Variants in CDC42BPA observed in about 807,000 individuals in gnomAD.
CDC42BPA encodes serine/threonine-protein kinase MRCK alpha.
A neutral mutation model predicts 223.5 loss-of-function variants in CDC42BPA; 80 were observed. The observed-to-expected ratio is 0.36, with a 90% CI of 0.30 to 0.43. The LOEUF is 0.43. Ranked by LOEUF, CDC42BPA falls within the 20% of genes least tolerant of loss-of-function variation. CDC42BPA has a pLI of 1.00. For synonymous variants in CDC42BPA, 694 were observed against 718.6 expected, an observed-to-expected ratio of 0.97 and a Z score of 0.55; for missense variants, 1,743 against 2,099.9, an observed-to-expected ratio of 0.83 and a Z score of 3.32.
At chr1:227,078,075 A>G (rs1450525731) in intron 17 of CDC42BPA, among the ~76,000 whole-genome samples, 1 of 152,174 alleles carries the variant, frequency 6.6e-6, no homozygotes, top group Non-Finnish European at 1.5e-5. Flanking sequence ...CCTAGTATTC[A>G]TGACAACTGT....
At chr1:227,238,697 T>C (rs1236432051) in intron 2 of CDC42BPA, among the ~76,000 whole-genome samples, 5 of 152,182 alleles carry the variant, frequency 3.3e-5, no homozygotes. Context: ...ATAAGAAAGC[T>C]GGCTATACTG....
chr1:227,036,492 A>G (rs1044305483), intron 24 of CDC42BPA, among the ~76,000 whole-genome samples: 4 of 145,336 alleles, frequency 2.8e-5, no homozygotes, highest in African/African-American at 1.0e-4. Context: ...GCGGTGGTGC[A>G]ATCTCGGCTC....
intron 10 of CDC42BPA, among the ~76,000 whole-genome samples, chr1:227,139,179 A>T (rs1659210205): frequency 6.6e-6 from 1 of 152,200 alleles, no homozygotes; most frequent in Non-Finnish European, 1.5e-5. Flanking sequence ...TGTGCATTTT[A>T]AAATCACCAA....
intron 4 of CDC42BPA, among the ~76,000 whole-genome samples, chr1:227,196,842 CAATT>C (rs1055534882): frequency 1.3e-5 from 2 of 151,816 alleles, no homozygotes; most frequent in African/African-American, 4.8e-5. Flanking sequence ...AATCAGGAAA[CAATT>C]AATAAGAAAG....
intron 21 of CDC42BPA, among the ~76,000 whole-genome samples, chr1:227,063,721 G>A (rs539371673): frequency 1.2e-4 from 19 of 152,162 alleles, no homozygotes; most frequent in African/African-American, 4.3e-4. Flanking sequence ...TCTGATTTTG[G>A]TCATAGGACT....
At chr1:227,115,049 G>C (rs976177539) in intron 12 of CDC42BPA, among the ~76,000 whole-genome samples, 1 of 152,054 alleles carries the variant, frequency 6.6e-6, no homozygotes, top group Non-Finnish European at 1.5e-5. Context: ...GAGTTCTGGA[G>C]ACTGCTGCAC....
At chr1:227,092,935 ACT>A (rs1204485680) in intron 15 of CDC42BPA, among the ~76,000 whole-genome samples, 1 of 152,138 alleles carries the variant, frequency 6.6e-6, no homozygotes, top group Admixed American at 6.6e-5. Flanking sequence ...AGTCAAGGAC[ACT>A]CTACCATAAT....
chr1:227,155,956 C>G (rs1452383363), intron 6 of CDC42BPA, among the ~76,000 whole-genome samples: 2 of 152,116 alleles, frequency 1.3e-5, no homozygotes, highest in East Asian at 3.9e-4. Flanking sequence ...AATCAAGAGA[C>G]AGCAGCACAA....
At chr1:227,208,326 G>A in intron 3 of CDC42BPA, among the ~76,000 whole-genome samples, 1 of 144,648 alleles carries the variant, frequency 6.9e-6, no homozygotes, top group Non-Finnish European at 1.5e-5. Context: ...TCTGATGGTA[G>A]TTTCTTTTGC....
At chr1:227,158,814 A>G (rs1257696242) in intron 6 of CDC42BPA, among the ~76,000 whole-genome samples, 1 of 152,108 alleles carries the variant, frequency 6.6e-6, no homozygotes, top group African/African-American at 2.4e-5. Flanking sequence ...CTTGTGGTAC[A>G]ATGCACAGCC....
chr1:227,217,420 C>T (rs185629160), intron 2 of CDC42BPA, among the ~76,000 whole-genome samples: 163 of 149,952 alleles, frequency 1.1e-3, no homozygotes, highest in African/African-American at 3.8e-3. Context: ...CACTTCAGCC[C>T]GGGCTGAAGT....
In CDC42BPA at chr1:226,993,371, G is replaced by A. The variant is rs1299421035; in HGVS notation, c.*897C>T. On this transcript the variant is annotated 3_prime_UTR_variant, in exon 37 of 37. Coordinates refer to ENST00000366766, the MANE Select transcript of CDC42BPA (RefSeq NM_001394014.1). ...ACCACTAGGAAAAGAAACATCTTGGGTAGAGATGAGTTCGCCTTTTGCTGC... is the reference window on the plus strand; with the variant it reads ...ACCACTAGGAAAAGAAACATCTTGGATAGAGATGAGTTCGCCTTTTGCTGC... 6.6e-6 allele frequency: 1 copy of A among 152,206 alleles called. No homozygotes were observed. The highest frequency in any genetic ancestry group is 1.5e-5 in the Non-Finnish European group (1 of 68,050). 9.4% of individuals were successfully genotyped at this position (152,206 alleles called of 1,614,324 possible).
intron 12 of CDC42BPA, among the ~76,000 whole-genome samples, chr1:227,118,646 C>G (rs1477083212): frequency 6.6e-6 from 1 of 152,052 alleles, no homozygotes; most frequent in Non-Finnish European, 1.5e-5. Flanking sequence ...ATCCAAGATC[C>G]TTCTCTTTAG....
At chr1:227,316,719 C>A (rs897559040) in intron 1 of CDC42BPA, among the ~76,000 whole-genome samples, 2 of 152,180 alleles carry the variant, frequency 1.3e-5, no homozygotes, top group African/African-American at 4.8e-5. Context: ...TTTTGCCCAT[C>A]ACAGAATTGA....
In CDC42BPA at chr1:227,176,860, C is replaced by T. The variant is rs6674640; in HGVS notation, c.600-16224G>A. Reference sequence around the variant, plus strand: ...TATACCTGAAAGTCTGTTTTGTTCACATTTTCTTTTCTAGGGTATTATAAA... The same window carrying T: ...TATACCTGAAAGTCTGTTTTGTTCATATTTTCTTTTCTAGGGTATTATAAA... On this transcript the variant is annotated intron_variant, in intron 5 of 36. Transcript: ENST00000366766. Among the ~76,000 whole-genome samples the T allele has an allele frequency of 3.6e-3, 555 of 152,170 alleles. 3 individuals are homozygous for T. Among genetic ancestry groups the T allele is most frequent in the African/African-American group, 0.012 (504 of 41,544 alleles).
intron 5 of CDC42BPA, among the ~76,000 whole-genome samples, chr1:227,184,606 C>T (rs181876683): frequency 5.3e-5 from 8 of 152,134 alleles, no homozygotes; most frequent in Admixed American, 3.3e-4. Flanking sequence ...GTGATTCTTT[C>T]CACTTTATTC....
intron 1 of CDC42BPA, among the ~76,000 whole-genome samples, chr1:227,289,864 C>T (rs573665395): frequency 4.8e-4 from 57 of 118,358 alleles, no homozygotes; most frequent in African/African-American, 1.8e-3. Context: ...CCAGCCTGGG[C>T]AACATGGTGA....
intron 12 of CDC42BPA, 112 bp from the exon 13 acceptor site, chr1:227,113,025 GA>G: frequency 1.0e-6 from 1 of 977,834 alleles, no homozygotes. Flanking sequence ...TTCACCTTAG[GA>G]CAAATTAAAA....
intron 17 of CDC42BPA, among the ~76,000 whole-genome samples, chr1:227,076,673 A>C (rs1679550261): frequency 6.6e-6 from 1 of 152,166 alleles, no homozygotes; most frequent in South Asian, 2.1e-4. Flanking sequence ...ATTTGGCTAA[A>C]TCATTCAAAT....
Sources: allele counts gnomAD v4.1 joint callset (sites outside exome capture counted in the v4.1 genomes callset), GRCh38; gene constraint gnomAD v4.1.1; transcripts MANE v1.5; gene names NCBI Gene and HGNC (gene_info 2026-07-23, HGNC 2026-07-21).